TMEM117: variants seen among roughly 807,000 people sequenced by gnomAD.
The protein encoded by TMEM117 is transmembrane protein 117.
A neutral mutation model predicts 52.4 loss-of-function variants in TMEM117; 27 were observed. That is an observed-to-expected ratio of 0.51 (90% CI 0.38 to 0.71). The LOEUF (loss-of-function observed/expected upper bound fraction) is 0.71, where lower values mean the gene tolerates loss of function less well. Among genes scored for constraint, TMEM117 ranks in the 30% least tolerant of loss-of-function variants. The pLI, the probability that TMEM117 is intolerant of heterozygous loss-of-function variation, is 0.00. For synonymous variants in TMEM117, 215 were observed against 206.3 expected (o/e 1.04, Z -0.36); for missense variants, 556 against 630.5 (o/e 0.88, Z 1.26).
chr12:43,891,843 T>G (rs931497214), intron 2 of TMEM117, among the ~76,000 whole-genome samples: 3 of 152,170 alleles, frequency 2.0e-5, no homozygotes, highest in Non-Finnish European at 4.4e-5. Flanking sequence ...TTCTCTATTA[T>G]TCCTTAACCT....
At chr12:43,992,787 G>A (rs1009098439) in intron 3 of TMEM117, among the ~76,000 whole-genome samples, 2 of 152,056 alleles carry the variant, frequency 1.3e-5, no homozygotes, top group African/African-American at 2.4e-5. Flanking sequence ...GGCTATGTTC[G>A]ACTCATCATT....
At chr12:44,103,329 T>C (rs1198770654) in intron 3 of TMEM117, among the ~76,000 whole-genome samples, 2 of 151,910 alleles carry the variant, frequency 1.3e-5, no homozygotes, top group Non-Finnish European at 2.9e-5. Flanking sequence ...TAATGAAGTC[T>C]GAGGGAAGAG....
intron 6 of TMEM117, among the ~76,000 whole-genome samples, chr12:44,345,305 C>T (rs912680097): frequency 6.6e-6 from 1 of 151,988 alleles, no homozygotes; most frequent in African/African-American, 2.4e-5. Context: ...TTCACCAGCT[C>T]CTATTTCTTC....
chr12:43,815,838 A>G, the TMEM117 span, among the ~76,000 whole-genome samples: 1 of 152,220 alleles, frequency 6.6e-6, no homozygotes, highest in African/African-American at 2.4e-5. Flanking sequence ...TTGAGACCCA[A>G]TAGCTGGCTC....
chr12:44,188,714 C>T (rs1201940952), intron 4 of TMEM117, among the ~76,000 whole-genome samples: 1 of 152,112 alleles, frequency 6.6e-6, no homozygotes, highest in African/African-American at 2.4e-5. Context: ...CCTCTGCTCC[C>T]ACCTCCCACA....
rs187446606 is a variant in TMEM117 at position 44,338,648 on chromosome 12, G to A, written c.769-37947G>A. On this transcript the variant is annotated intron_variant, in intron 6 of 7. Transcript: ENST00000266534. ...AGCGTAAACATCCATGAGTGTAAAG[G>A]AAATTAAAGGAATAATTTCAAAAGT... 6.4e-3 allele frequency among the ~76,000 whole-genome samples: 976 copies of A among 152,032 alleles called. 5 individuals carry two copies. Among genetic ancestry groups the A allele is most frequent in the Non-Finnish European group, 0.01 (680 of 67,950 alleles).
chr12:44,143,865 A>G (rs1456963452), intron 4 of TMEM117, among the ~76,000 whole-genome samples: 2 of 152,206 alleles, frequency 1.3e-5, no homozygotes, highest in East Asian at 1.9e-4. Flanking sequence ...CGATCTATCT[A>G]TCTATCATCT....
At chr12:43,824,418 C>T in the TMEM117 span, among the ~76,000 whole-genome samples, 1 of 152,214 alleles carries the variant, frequency 6.6e-6, no homozygotes, top group Non-Finnish European at 1.5e-5. Flanking sequence ...GTGAGTGCCG[C>T]TTCCAGGGTA....
intron 2 of TMEM117, among the ~76,000 whole-genome samples, chr12:43,884,281 A>G (rs546246151): frequency 1.3e-5 from 2 of 152,212 alleles, no homozygotes; most frequent in South Asian, 2.1e-4. Context: ...AAATGCTTTC[A>G]TGAGTTGATA....
chr12:44,270,331 A>G (rs1233834359), intron 5 of TMEM117, among the ~76,000 whole-genome samples: 1 of 152,110 alleles, frequency 6.6e-6, no homozygotes, highest in African/African-American at 2.4e-5. Flanking sequence ...CTCCTTGGTT[A>G]GATACATTCC....
chr12:44,360,934 A>G (rs990685726), intron 6 of TMEM117, among the ~76,000 whole-genome samples: 1 of 152,210 alleles, frequency 6.6e-6, no homozygotes, highest in African/African-American at 2.4e-5. Context: ...GAAATTTTGC[A>G]AACCATTCTC....
chr12:43,814,488 C>T, the TMEM117 span, among the ~76,000 whole-genome samples: 1 of 152,152 alleles, frequency 6.6e-6, no homozygotes, highest in Non-Finnish European at 1.5e-5. Context: ...TTCTGGGCTG[C>T]ATCTTTCCTT....
intron 6 of TMEM117, among the ~76,000 whole-genome samples, chr12:44,358,622 C>T (rs898478487): frequency 1.3e-5 from 2 of 152,070 alleles, no homozygotes; most frequent in African/African-American, 2.4e-5. Context: ...GAAATGTATT[C>T]AGTTGGAACC....
intron 2 of TMEM117, among the ~76,000 whole-genome samples, chr12:43,867,071 A>G (rs1943614028): frequency 6.6e-6 from 1 of 152,154 alleles, no homozygotes; most frequent in Non-Finnish European, 1.5e-5. Flanking sequence ...CCTGGGCAAC[A>G]AGAGCAAAAA....
At chr12:43,980,956 G>A (rs2137720473) in intron 3 of TMEM117, among the ~76,000 whole-genome samples, 1 of 152,254 alleles carries the variant, frequency 6.6e-6, no homozygotes, top group African/African-American at 2.4e-5. Flanking sequence ...ATCAAAGGTT[G>A]GTTTCTGGAG....
chr12:44,140,712 G>T (rs1275071308), intron 3 of TMEM117, among the ~76,000 whole-genome samples: 2 of 152,072 alleles, frequency 1.3e-5, no homozygotes, highest in Admixed American at 6.6e-5. Flanking sequence ...GGTAAGGGCT[G>T]GTTTATACTT....
At chr12:44,044,101 C>T (rs902099890) in intron 3 of TMEM117, among the ~76,000 whole-genome samples, 1 of 152,186 alleles carries the variant, frequency 6.6e-6, no homozygotes, top group African/African-American at 2.4e-5. Context: ...TTTAAACGTA[C>T]TCATCCCAGC....
the TMEM117 span, among the ~76,000 whole-genome samples, chr12:43,796,043 T>C: frequency 6.6e-6 from 1 of 152,228 alleles, no homozygotes; most frequent in Non-Finnish European, 1.5e-5. Flanking sequence ...TGATACACTA[T>C]TTATTCAAGG....
rs1423112131 is a variant in TMEM117 at position 43,839,936 on chromosome 12, G to C, written c.-29+3740G>C. ...AGACCAACACTTTTGGATAATCTTT[G>C]TTGGACTGGCTCCAAATTATCCTTA... On this transcript the variant is annotated intron_variant, in intron 1 of 7. Transcript: ENST00000266534. Among the ~76,000 whole-genome samples the C allele has an allele frequency of 2.0e-5, 3 of 152,142 alleles. No individual in the cohort carries two copies. The East Asian group carries it at 5.8e-4, about 29-fold the overall frequency.
Sources: allele counts gnomAD v4.1 joint callset (sites outside exome capture counted in the v4.1 genomes callset), GRCh38; gene constraint gnomAD v4.1.1; transcripts MANE v1.5; gene names NCBI Gene and HGNC (gene_info 2026-07-23, HGNC 2026-07-21).